The following MRRF variants were observed in gnomAD, a reference collection of about 807,000 sequenced individuals.
MRRF encodes the protein ribosome-recycling factor, mitochondrial.
In MRRF, 18 loss-of-function variants were observed where a neutral mutation model predicts 25.1. That is an observed-to-expected ratio of 0.72 (90% CI 0.50 to 1.06). The LOEUF (loss-of-function observed/expected upper bound fraction) is 1.06, where lower values mean the gene tolerates loss of function less well. Ranked by LOEUF, MRRF falls within the 50% of genes least tolerant of loss-of-function variation. The pLI is 0.00. For synonymous variants in MRRF, 113 were observed against 112.1 expected (o/e 1.01, Z -0.05); for missense variants, 323 against 319.3 (o/e 1.01, Z -0.09).
At chr9:122,302,167 A>G (rs1232512310) in intron 5 of MRRF, among the ~76,000 whole-genome samples, 1 of 152,238 alleles carries the variant, frequency 6.6e-6, no homozygotes, top group Non-Finnish European at 1.5e-5. Flanking sequence ...CTAGATAGGC[A>G]TATGGCATTT....
At chr9:122,303,178 T>C (rs1375034158) in intron 5 of MRRF, among the ~76,000 whole-genome samples, 1 of 152,030 alleles carries the variant, frequency 6.6e-6, no homozygotes, top group East Asian at 1.9e-4. Context: ...TACAGAAGTA[T>C]AACGAAAAGT....
At chr9:122,305,570 C>G (rs1381641366) in intron 5 of MRRF, among the ~76,000 whole-genome samples, 1 of 152,238 alleles carries the variant, frequency 6.6e-6, no homozygotes, top group Middle Eastern at 3.4e-3. Flanking sequence ...CAGCTCAGAG[C>G]TTGATACAGG....
At chr9:122,301,665 A>ATT (rs1834470268) in intron 5 of MRRF, among the ~76,000 whole-genome samples, 3 of 152,052 alleles carry the variant, frequency 2.0e-5, no homozygotes, top group African/African-American at 7.2e-5. Context: ...AGTTAATACT[A>ATT]TTTTTTAAGT....
chr9:122,316,401 C>G (rs1243954478), intron 6 of MRRF, among the ~76,000 whole-genome samples: 1 of 152,124 alleles, frequency 6.6e-6, no homozygotes, highest in Non-Finnish European at 1.5e-5. Context: ...GTCTTGAACT[C>G]CTGACCTCAG....
chr9:122,293,283 C>G (rs1419972759), intron 5 of MRRF, among the ~76,000 whole-genome samples: 1 of 152,168 alleles, frequency 6.6e-6, no homozygotes, highest in South Asian at 2.1e-4. Context: ...TCCTGTATTC[C>G]TTTACATATA....
chr9:122,284,594 A>G (rs937862965), intron 3 of MRRF, among the ~76,000 whole-genome samples: 14 of 152,186 alleles, frequency 9.2e-5, no homozygotes, highest in African/African-American at 3.4e-4. Context: ...TTTAGTTCTA[A>G]AAGCCCTGTC....
At chr9:122,274,065 TCTC>T (rs1362063446) in intron 2 of MRRF, among the ~76,000 whole-genome samples, 1 of 152,102 alleles carries the variant, frequency 6.6e-6, no homozygotes, top group Non-Finnish European at 1.5e-5. Flanking sequence ...TGCCCTCCCT[TCTC>T]CTCTCCTCCC....
In MRRF at chr9:122,322,814, T is replaced by C. The variant is rs144208763; in HGVS notation, c.*197T>C. 2.2e-3 allele frequency: 1,388 copies of C among 641,384 alleles called. 18 individuals are homozygous for C. Among genetic ancestry groups the C allele is most frequent in the Admixed American group, 0.021 (871 of 41,052 alleles). 39.7% of individuals were successfully genotyped at this position (641,384 alleles called of 1,614,324 possible). ...TCTTCCTGCTTCTGCTCTGGGCCGGTGGGTGGCTCTCAGAAAATACTTGCT... is the reference window on the plus strand; with the variant it reads ...TCTTCCTGCTTCTGCTCTGGGCCGGCGGGTGGCTCTCAGAAAATACTTGCT... On this transcript the variant is annotated 3_prime_UTR_variant, in exon 7 of 7. Coordinates refer to ENST00000344641, the MANE Select transcript of MRRF (RefSeq NM_138777.5).
rs149576533 is a variant in MRRF at position 122,301,522 on chromosome 9, T to C, written c.551+9682T>C. ...AAATGGGATCATAGAATATTTACTT[T>C]TGTGAAGATTTGTTGGGAGAAGCTC... is the stretch of plus-strand genomic sequence containing the variant. On this transcript the variant is annotated intron_variant, in intron 5 of 6. Coordinates refer to ENST00000344641, the MANE Select transcript of MRRF (RefSeq NM_138777.5). Among the ~76,000 whole-genome samples, 1,337 of 152,246 alleles carry C rather than the reference T, an allele frequency of 8.8e-3. 22 individuals are homozygous for C. The highest frequency in any genetic ancestry group is 0.03 in the African/African-American group (1,234 of 41,526).
At chr9:122,307,055 G>A (rs1834893226) in intron 5 of MRRF, among the ~76,000 whole-genome samples, 1 of 152,168 alleles carries the variant, frequency 6.6e-6, no homozygotes, top group Admixed American at 6.5e-5. Flanking sequence ...CGTAAAACAG[G>A]CTAGTGGGAT....
intron 5 of MRRF, among the ~76,000 whole-genome samples, chr9:122,297,986 T>G (rs1834201124): frequency 6.6e-6 from 1 of 152,204 alleles, no homozygotes; most frequent in African/African-American, 2.4e-5. Flanking sequence ...TACTGTATTC[T>G]AGGCTCTATA....
At chr9:122,309,324 T>A (rs1426635847) in intron 5 of MRRF, among the ~76,000 whole-genome samples, 1 of 152,258 alleles carries the variant, frequency 6.6e-6, no homozygotes, top group East Asian at 1.9e-4. Flanking sequence ...TAAGACCTAC[T>A]AAGACATTGA....
intron 5 of MRRF, among the ~76,000 whole-genome samples, chr9:122,309,649 TATTC>T (rs1835086112): frequency 1.3e-5 from 2 of 152,240 alleles, no homozygotes; most frequent in African/African-American, 4.8e-5. Flanking sequence ...CACTGTAATT[TATTC>T]ATTAATTTGC....
At chr9:122,316,476 T>A (rs1207878484) in intron 6 of MRRF, among the ~76,000 whole-genome samples, 1 of 152,138 alleles carries the variant, frequency 6.6e-6, no homozygotes, top group African/African-American at 2.4e-5. Flanking sequence ...AGCTAAATGT[T>A]TATTCTTAAC....
At chr9:122,297,777 A>G (rs938610704) in intron 5 of MRRF, among the ~76,000 whole-genome samples, 4 of 152,178 alleles carry the variant, frequency 2.6e-5, no homozygotes, top group African/African-American at 9.7e-5. Flanking sequence ...ACATCACTGC[A>G]TAGTACTGCG....
intron 4 of MRRF, 187 bp downstream of exon 4, chr9:122,285,474 T>C: frequency 1.6e-6 from 1 of 630,122 alleles, no homozygotes; most frequent in Admixed American, 2.4e-5. Flanking sequence ...ACTCAGATGC[T>C]ACAGAGGCTA....
chr9:122,329,121 C>T lies in MRRF; in HGVS notation c.*6504C>T, dbSNP rs1836218615. 6.6e-6 allele frequency: 1 copy of T among 152,230 alleles called. No individual in the cohort carries two copies. Among genetic ancestry groups the T allele is most frequent in the African/African-American group, 2.4e-5 (1 of 41,456 alleles). The allele number at this position is 152,230 out of a possible 1,614,324, so 9.4% of individuals were successfully genotyped here. On this transcript the variant is annotated 3_prime_UTR_variant, in exon 7 of 7. Transcript: ENST00000344641. ...TGCTGAATTATGTAAACTCTTCACC[C>T]TGGCATTCAGTAACTTCTGCAATCT...
At position 122,329,382 on chromosome 9, in the gene MRRF, T is replaced by A. The variant is rs1194700437; in HGVS notation, c.*6765T>A. 3 of 152,298 alleles carry A rather than the reference T, an allele frequency of 2.0e-5. No individual in the cohort carries two copies. Among genetic ancestry groups the A allele is most frequent in the Admixed American group, 1.3e-4 (2 of 15,280 alleles). 9.4% of individuals were successfully genotyped at this position (152,298 alleles called of 1,614,324 possible). On this transcript the variant is annotated 3_prime_UTR_variant, in exon 7 of 7. Transcript: ENST00000344641. Reference sequence around the variant, plus strand: ...CTTATAAGCCCTTCTTGGTCCCATGTTCTTCCTTACACTAACTCATTCATT... The same window carrying A: ...CTTATAAGCCCTTCTTGGTCCCATGATCTTCCTTACACTAACTCATTCATT...
intron 1 of MRRF, among the ~76,000 whole-genome samples, chr9:122,267,195 A>G (rs1306457847): frequency 6.6e-6 from 1 of 152,042 alleles, no homozygotes; most frequent in Non-Finnish European, 1.5e-5. Context: ...CCTGGCCAAC[A>G]TGGTGAAACC....
Sources: gnomAD v4.1 joint callset for allele counts (sites outside exome capture counted in the v4.1 genomes callset) on GRCh38, gnomAD v4.1.1 for gene constraint, MANE v1.5 for transcripts, NCBI Gene and HGNC (gene_info 2026-07-23, HGNC 2026-07-21) for gene names.